The following NSUN7 variants were observed in gnomAD, a reference collection of about 807,000 sequenced individuals.
NSUN7 encodes protein NSUN7.
In NSUN7, 39 loss-of-function variants were observed where a neutral mutation model predicts 58.5. That is an observed-to-expected ratio of 0.67 (90% CI 0.52 to 0.87). The LOEUF (loss-of-function observed/expected upper bound fraction) is 0.87. Among genes scored for constraint, NSUN7 ranks in the 40% least tolerant of loss-of-function variants. The pLI is 0.00. For synonymous variants in NSUN7, 278 were observed against 303.7 expected, an observed-to-expected ratio of 0.92 and a Z score of 0.88; for missense variants, 765 against 844.1, an observed-to-expected ratio of 0.91 and a Z score of 1.16.
In NSUN7 at chr4:40,809,669, TGAA is replaced by T. The variant is rs1362921876; in HGVS notation, c.*736_*738del. ...ATTTCCATCTAAATATTAATAATTCTGAAGAAGAGGCAAAACTGTTGAATGCAA... is the reference window on the plus strand; with the variant it reads ...ATTTCCATCTAAATATTAATAATTCTGAAGAGGCAAAACTGTTGAATGCAA... On this transcript the variant is annotated 3_prime_UTR_variant, in exon 12 of 12. Coordinates refer to ENST00000381782, the MANE Select transcript of NSUN7 (RefSeq NM_024677.6). 3 of 152,190 alleles carry T rather than the reference TGAA, an allele frequency of 2.0e-5. No homozygotes were observed. Among genetic ancestry groups the T allele is most frequent in the Non-Finnish European group, 2.9e-5 (2 of 68,034 alleles). 9.4% of individuals were successfully genotyped at this position (152,190 alleles called of 1,614,324 possible).
At chr4:40,759,360 T>C (rs1467233260) in intron 2 of NSUN7, among the ~76,000 whole-genome samples, 1 of 152,172 alleles carries the variant, frequency 6.6e-6, no homozygotes, top group East Asian at 1.9e-4. Flanking sequence ...GATGTATATA[T>C]AGTTTAAGTA....
rs1301118937 is a variant in NSUN7, at chr4:40,761,278, A to G, written c.465A>G (p.Gln155=). Residue 155 remains glutamine (Q), a synonymous_variant, in exon 4 of 12, where the codon CAA becomes CAG. Transcript: ENST00000381782. The stretch of plus-strand genomic sequence containing the variant: ...ATGAAGAGCCCATATCAGAAGTTCA[A>G]GAAGTAGAGAACCTTCTTAACAGGT... ...SDNEEPISEV[Q]EVENLLNSFK... is the part of the protein sequence containing the mutation. 6.9e-6 allele frequency: 11 copies of G among 1,599,346 alleles called. No homozygotes were observed. The highest frequency in any genetic ancestry group is 9.4e-6 in the Non-Finnish European group (11 of 1,176,014).
At chr4:40,779,835 G>C (rs1742440060) in intron 7 of NSUN7, among the ~76,000 whole-genome samples, 1 of 152,068 alleles carries the variant, frequency 6.6e-6, no homozygotes, top group Admixed American at 6.5e-5. Context: ...TATGGTTTTT[G>C]CTTTTCTAGG....
At chr4:40,801,885 G>C (rs1217146772) in intron 10 of NSUN7, among the ~76,000 whole-genome samples, 1 of 143,826 alleles carries the variant, frequency 7.0e-6, no homozygotes, top group East Asian at 2.0e-4. Flanking sequence ...CCGGGTGACA[G>C]AGGGAGACTC....
chr4:40,763,523 T>C (rs1741558462), intron 4 of NSUN7, among the ~76,000 whole-genome samples: 1 of 152,160 alleles, frequency 6.6e-6, no homozygotes, highest in Admixed American at 6.5e-5. Context: ...TCAGAGGGGC[T>C]GATGACAGCT....
At chr4:40,801,636 G>A (rs1484200049) in intron 10 of NSUN7, among the ~76,000 whole-genome samples, 4 of 151,898 alleles carry the variant, frequency 2.6e-5, no homozygotes, top group Non-Finnish European at 5.9e-5. Flanking sequence ...GGTGGCTCAC[G>A]CCTGTAATCC....
intron 8 of NSUN7, 129 bp downstream of exon 8, chr4:40,790,874 TAC>T: frequency 1.5e-6 from 1 of 684,640 alleles, no homozygotes; most frequent in Non-Finnish European, 2.3e-6. Flanking sequence ...ATAAAGTACT[TAC>T]TATGTATAAA....
intron 7 of NSUN7, among the ~76,000 whole-genome samples, chr4:40,787,803 T>C (rs1742899900): frequency 6.6e-6 from 1 of 152,224 alleles, no homozygotes; most frequent in Non-Finnish European, 1.5e-5. Context: ...CAGTTCATTT[T>C]ATAATGTCGA....
intron 4 of NSUN7, among the ~76,000 whole-genome samples, chr4:40,771,662 A>G (rs1383107963): frequency 6.6e-6 from 1 of 151,040 alleles, no homozygotes; most frequent in East Asian, 1.9e-4. Flanking sequence ...TAAGGAGTTT[A>G]GATTCTGTCC....
Position 40,807,190 on chromosome 4 carries a change from G to GAA in NSUN7, c.1524+13_1524+14dup. ...TTTCTATTTTAACAAGGGAGGTAAG[G>GAA]AAAAAAAATCCTAATCCATGTCATA... On this transcript the variant is annotated splice_region_variant and intron_variant, in intron 11 of 11. Transcript: ENST00000381782. 1 of 1,540,318 alleles carries GAA rather than the reference G, an allele frequency of 6.5e-7. No individual in the cohort carries two copies. Among genetic ancestry groups the GAA allele is most frequent in the Non-Finnish European group, 8.7e-7 (1 of 1,142,928 alleles).
At chr4:40,786,578 T>G in intron 7 of NSUN7, 1 of 1,613,378 alleles carries the variant, frequency 6.2e-7, no homozygotes, top group Non-Finnish European at 8.5e-7. Flanking sequence ...ATGGGTGACC[T>G]GAGTTCATCA....
At chr4:40,787,485 A>G (rs1327676990) in intron 7 of NSUN7, among the ~76,000 whole-genome samples, 3 of 152,190 alleles carry the variant, frequency 2.0e-5, no homozygotes, top group Non-Finnish European at 4.4e-5. Flanking sequence ...TTAAAGCACA[A>G]TAAAAAGATA....
At chr4:40,794,328 A>C in intron 8 of NSUN7, 47 bp from the exon 9 acceptor site, 1 of 1,066,032 alleles carries the variant, frequency 9.4e-7, no homozygotes, top group East Asian at 2.5e-5. Flanking sequence ...ATATGTAAAA[A>C]GTTTTTAATG....
intron 7 of NSUN7, among the ~76,000 whole-genome samples, chr4:40,779,372 G>A (rs1190880523): frequency 6.6e-6 from 1 of 152,164 alleles, no homozygotes; most frequent in Non-Finnish European, 1.5e-5. Context: ...GGGAGGCCGA[G>A]GCTGGCGGAT....
Position 40,750,807 on chromosome 4 carries a change from A to G in NSUN7, c.114A>G (p.Glu38=), listed in dbSNP as rs760484932. Residue 38 remains glutamate (E), a synonymous_variant, in exon 2 of 12, where the codon GAA becomes GAG. Coordinates refer to ENST00000381782, the MANE Select transcript of NSUN7 (RefSeq NM_024677.6). The part of the protein sequence containing the change: ...SGGKSSAGVP[E]KTGYPDSVYV... The stretch of plus-strand genomic sequence containing the variant: ...GGAAAAGCTCAGCTGGTGTGCCCGA[A>G]AAAACGGGCTATCCGGACTCCGTTT... The G allele has an allele frequency of 1.4e-5, 23 of 1,614,106 alleles. No homozygotes were observed. The highest frequency in any genetic ancestry group is 3.3e-4 in the Middle Eastern group (2 of 6,084).
At chr4:40,786,971 T>C (rs1577572370) in intron 7 of NSUN7, among the ~76,000 whole-genome samples, 1 of 151,088 alleles carries the variant, frequency 6.6e-6, no homozygotes, top group African/African-American at 2.4e-5. Context: ...GCAAGGATAG[T>C]AAATTGACCA....
At chr4:40,757,628 T>TAC (rs1741214533) in intron 2 of NSUN7, among the ~76,000 whole-genome samples, 1 of 143,756 alleles carries the variant, frequency 7.0e-6, no homozygotes, top group African/African-American at 2.6e-5. Context: ...TATATATATA[T>TAC]ACATTGTGTG....
chr4:40,779,369 C>T (rs1411795307), intron 7 of NSUN7, among the ~76,000 whole-genome samples: 2 of 152,008 alleles, frequency 1.3e-5, no homozygotes, highest in African/African-American at 2.4e-5. Context: ...TTTGGGAGGC[C>T]GAGGCTGGCG....
rs903836872 is a variant in NSUN7, at chr4:40,810,901, A to C, written c.*1962A>C. On this transcript the variant is annotated 3_prime_UTR_variant, in exon 12 of 12. Transcript: ENST00000381782. The stretch of plus-strand genomic sequence containing the variant: ...AGTAAAGAATCCCATTGTGTATCAT[A>C]AGAATCCCTTATCCTTTTCGGGCCC... The C allele has an allele frequency of 6.6e-6, 1 of 152,222 alleles. No homozygotes were observed. The highest frequency in any genetic ancestry group is 1.5e-5 in the Non-Finnish European group (1 of 68,044). The allele number at this position is 152,222 out of a possible 1,614,324, so 9.4% of individuals were successfully genotyped here.
Sources: gnomAD v4.1 joint callset for allele counts (sites outside exome capture counted in the v4.1 genomes callset) on GRCh38, gnomAD v4.1.1 for gene constraint, MANE v1.5 for transcripts, NCBI Gene and HGNC (gene_info 2026-07-23, HGNC 2026-07-21) for gene names.